Variants in ROBO2 observed in about 807,000 individuals in gnomAD.
The protein encoded by ROBO2 is roundabout homolog 2.
In ROBO2, 53 loss-of-function variants were observed where a neutral mutation model predicts 160.8. The ratio of observed to expected loss-of-function variants is 0.33; its 90% confidence interval spans 0.26 to 0.41. The LOEUF (loss-of-function observed/expected upper bound fraction) is 0.41. Ranked by LOEUF, ROBO2 falls within the 10% of genes least tolerant of loss-of-function variation. The probability of loss-of-function intolerance (pLI) is 1.00; values close to 1 mark genes in which losing one functional copy is unlikely to be tolerated. For missense variants in ROBO2, 1,577 were observed against 1,722.4 expected (o/e 0.92, Z 1.49); for synonymous variants, 664 against 611.7 (o/e 1.09, Z -1.26).
At chr3:77,338,640 T>C (rs2153449223) in intron 2 of ROBO2, among the ~76,000 whole-genome samples, 1 of 152,250 alleles carries the variant, frequency 6.6e-6, no homozygotes, top group South Asian at 2.1e-4. Flanking sequence ...AGTTATTGAA[T>C]TAAAATATTG....
intron 2 of ROBO2, among the ~76,000 whole-genome samples, chr3:76,870,046 A>G (rs146150265): frequency 6.6e-6 from 1 of 152,048 alleles, no homozygotes; most frequent in Non-Finnish European, 1.5e-5. Context: ...CTATTGCATG[A>G]GAGTGGAACT....
intron 2 of ROBO2, among the ~76,000 whole-genome samples, chr3:77,185,334 GT>G: frequency 2.0e-5 from 3 of 152,058 alleles, no homozygotes; most frequent in South Asian, 2.1e-4. Context: ...AGAGTCAAAG[GT>G]GATGCTGAAG....
chr3:77,135,165 C>T (rs1560084408), intron 2 of ROBO2, among the ~76,000 whole-genome samples: 1 of 152,132 alleles, frequency 6.6e-6, no homozygotes, highest in Non-Finnish European at 1.5e-5. Flanking sequence ...ATGCAAAACT[C>T]CTATGCTGCG....
At chr3:77,293,433 C>G (rs1482474303) in intron 2 of ROBO2, among the ~76,000 whole-genome samples, 1 of 148,404 alleles carries the variant, frequency 6.7e-6, no homozygotes, top group African/African-American at 2.6e-5. Context: ...TAAGCTGAGG[C>G]TAGATCACTA....
intron 2 of ROBO2, among the ~76,000 whole-genome samples, chr3:77,321,413 C>G (rs186485613): frequency 1.3e-5 from 2 of 151,672 alleles, no homozygotes; most frequent in Admixed American, 1.3e-4. Flanking sequence ...GCTGCTTGGG[C>G]GGTTGAGATA....
intron 2 of ROBO2, among the ~76,000 whole-genome samples, chr3:76,119,418 G>A (rs4124239): frequency 0.087 from 13,174 of 151,920 alleles, 1,241 homozygotes; most frequent in African/African-American, 0.22. Context: ...GAATACCAGT[G>A]AGATTATGAC....
At chr3:77,253,211 A>G (rs548228627) in intron 2 of ROBO2, among the ~76,000 whole-genome samples, 14 of 152,144 alleles carry the variant, frequency 9.2e-5, no homozygotes, top group Non-Finnish European at 1.8e-4. Flanking sequence ...TTTTGATTTT[A>G]CTGAGAATAT....
At chr3:76,387,400 A>G (rs1463568042) in intron 2 of ROBO2, among the ~76,000 whole-genome samples, 1 of 152,034 alleles carries the variant, frequency 6.6e-6, no homozygotes, top group Non-Finnish European at 1.5e-5. Flanking sequence ...TATTATTACT[A>G]TTTATATTAA....
At chr3:77,164,394 G>A (rs1204511177) in intron 2 of ROBO2, among the ~76,000 whole-genome samples, 4 of 96,398 alleles carry the variant, frequency 4.1e-5, no homozygotes, top group Non-Finnish European at 1.1e-4. Context: ...GAGGTGGGGG[G>A]TCAGCCCCCC....
At chr3:77,184,151 C>T (rs1259265639) in intron 2 of ROBO2, among the ~76,000 whole-genome samples, 1 of 152,010 alleles carries the variant, frequency 6.6e-6, no homozygotes, top group African/African-American at 2.4e-5. Flanking sequence ...GACAACATAA[C>T]CTGAATCTCC....
At chr3:76,554,274 T>C (rs1482844847) in intron 2 of ROBO2, among the ~76,000 whole-genome samples, 3 of 152,198 alleles carry the variant, frequency 2.0e-5, no homozygotes, top group African/African-American at 4.8e-5. Flanking sequence ...AAATAAATTA[T>C]ATACACATAT....
Position 76,138,376 on chromosome 3 carries a change from C to T in ROBO2, c.109+200774C>T, listed in dbSNP as rs142622524. On this transcript the variant is annotated intron_variant, in intron 2 of 26. Coordinates refer to the ROBO2 transcript ENST00000487694. The stretch of plus-strand genomic sequence containing the variant: ...TATTAAATGTAAATCTATATTGTAT[C>T]GATATAGATTCTAAATGCACATGCT... Among the ~76,000 whole-genome samples the T allele has an allele frequency of 9.4e-3, 1,428 of 151,854 alleles. 24 individuals carry two copies. Among genetic ancestry groups the T allele is most frequent in the African/African-American group, 0.033 (1,377 of 41,424 alleles).
At chr3:77,610,770 A>T (rs559963339) in intron 21 of ROBO2, among the ~76,000 whole-genome samples, 7 of 149,742 alleles carry the variant, frequency 4.7e-5, no homozygotes, top group Admixed American at 4.7e-4. Context: ...AAAAAAAAGA[A>T]AATAAATATA....
intron 2 of ROBO2, among the ~76,000 whole-genome samples, chr3:76,389,803 T>C (rs2077063074): frequency 6.6e-6 from 1 of 152,210 alleles, no homozygotes; most frequent in Non-Finnish European, 1.5e-5. Flanking sequence ...GTTTCATCGA[T>C]TACATTTAGG....
At chr3:76,922,852 G>C (rs2076753507) in intron 2 of ROBO2, among the ~76,000 whole-genome samples, 1 of 152,142 alleles carries the variant, frequency 6.6e-6, no homozygotes, top group Non-Finnish European at 1.5e-5. Flanking sequence ...GCCATGTATT[G>C]TTCAATACTG....
intron 2 of ROBO2, chr3:76,311,099 T>A (rs947680913): frequency 6.6e-6 from 1 of 152,214 alleles, no homozygotes; most frequent in East Asian, 1.9e-4. Flanking sequence ...CAGGGCTGAC[T>A]GCGTACTGAG....
intron 2 of ROBO2, among the ~76,000 whole-genome samples, chr3:77,471,696 G>A (rs755113226): frequency 6.6e-6 from 1 of 152,210 alleles, no homozygotes; most frequent in Non-Finnish European, 1.5e-5. Flanking sequence ...ATGCACACAT[G>A]TGCATAGAAG....
chr3:77,189,138 C>T (rs1222413741), intron 2 of ROBO2, among the ~76,000 whole-genome samples: 2 of 151,826 alleles, frequency 1.3e-5, no homozygotes, highest in Non-Finnish European at 2.9e-5. Flanking sequence ...CACAGATTAT[C>T]ACAGTGATTT....
At chr3:76,046,659 T>TA (rs1477377459) in intron 2 of ROBO2, among the ~76,000 whole-genome samples, 1 of 151,658 alleles carries the variant, frequency 6.6e-6, no homozygotes, top group Non-Finnish European at 1.5e-5. Context: ...AAAAATAAAA[T>TA]AAAAAAAGCC....
Sources: allele counts gnomAD v4.1 joint callset (sites outside exome capture counted in the v4.1 genomes callset), GRCh38; gene constraint gnomAD v4.1.1; transcripts MANE v1.5; gene names NCBI Gene and HGNC (gene_info 2026-07-23, HGNC 2026-07-21).